The following DSCAM variants were observed in gnomAD, a reference collection of about 807,000 sequenced individuals.
DSCAM encodes DS cell adhesion molecule.
Under a neutral mutation model 217.7 loss-of-function variants are expected in DSCAM, and 47 were observed. The observed-to-expected ratio is 0.22, with a 90% CI of 0.17 to 0.28. The LOEUF (loss-of-function observed/expected upper bound fraction) is 0.28. Among genes scored for constraint, DSCAM ranks in the 10% least tolerant of loss-of-function variants. The probability of loss-of-function intolerance (pLI) is 1.00; values close to 1 mark genes in which losing one functional copy is unlikely to be tolerated. For synonymous variants in DSCAM, 1,056 were observed against 1,015.3 expected, an observed-to-expected ratio of 1.04 and a Z score of -0.76; for missense variants, 2,080 against 2,618.3, an observed-to-expected ratio of 0.79 and a Z score of 4.49.
chr21:40,778,290 G>A (rs1216275060), intron 1 of DSCAM, among the ~76,000 whole-genome samples: 1 of 151,768 alleles, frequency 6.6e-6, no homozygotes, highest in Non-Finnish European at 1.5e-5. Context: ...CTAGTATCTG[G>A]GTTAAAAAAA....
intron 20 of DSCAM, among the ~76,000 whole-genome samples, chr21:40,109,003 G>A (rs1418531046): frequency 1.3e-5 from 2 of 152,178 alleles, no homozygotes; most frequent in African/African-American, 4.8e-5. Flanking sequence ...ATCAACTCAA[G>A]ATGGATTAAA....
At chr21:40,666,679 A>C (rs538744253) in intron 3 of DSCAM, among the ~76,000 whole-genome samples, 98 of 152,366 alleles carry the variant, frequency 6.4e-4, no homozygotes, top group African/African-American at 2.3e-3. Context: ...TTAGGCCCTC[A>C]GCACTCACAC....
At chr21:40,042,731 C>T (rs934122431) in intron 31 of DSCAM, 58 bp from the exon 32 acceptor site, 48 of 1,489,264 alleles carry the variant, frequency 3.2e-5, no homozygotes, top group Admixed American at 1.9e-4. Context: ...TCTGAACCAA[C>T]GGCATGGCCC....
At chr21:40,557,486 C>G (rs2064403458) in intron 3 of DSCAM, among the ~76,000 whole-genome samples, 1 of 152,112 alleles carries the variant, frequency 6.6e-6, no homozygotes, top group Non-Finnish European at 1.5e-5. Context: ...TCCCAAGTAG[C>G]TGGGACTACA....
chr21:40,723,268 G>A (rs2090921512), intron 1 of DSCAM, among the ~76,000 whole-genome samples: 1 of 152,008 alleles, frequency 6.6e-6, no homozygotes, highest in African/African-American at 2.4e-5. Context: ...CAGTGTCCTA[G>A]GTCCCCAATC....
chr21:40,400,557 G>C (rs1469259961), intron 3 of DSCAM, among the ~76,000 whole-genome samples: 1 of 152,122 alleles, frequency 6.6e-6, no homozygotes, highest in African/African-American at 2.4e-5. Context: ...TAGGCTGGAA[G>C]GCAGTGGCAT....
chr21:40,178,706 G>A (rs986745746), intron 15 of DSCAM, among the ~76,000 whole-genome samples: 3 of 152,180 alleles, frequency 2.0e-5, no homozygotes, highest in Admixed American at 2.0e-4. Context: ...TAAGTCTTGG[G>A]TATGGGAAAC....
chr21:40,029,741 G>A (rs1426411702), intron 32 of DSCAM, among the ~76,000 whole-genome samples: 1 of 152,142 alleles, frequency 6.6e-6, no homozygotes, highest in Non-Finnish European at 1.5e-5. Flanking sequence ...TATCTGTCAT[G>A]TTGGCTCTGA....
In DSCAM at chr21:40,188,123, C is replaced by G. The variant is rs941105212; in HGVS notation, c.2554-136G>C. On this transcript the variant is annotated intron_variant, in intron 12 of 32. Transcript: ENST00000400454. ...ATAGGTACACTCACACACACACACACACACTCACAAAACCCCCATTCCTCC... is the reference window on the plus strand; with the variant it reads ...ATAGGTACACTCACACACACACACAGACACTCACAAAACCCCCATTCCTCC... 69 of 623,600 alleles carry G rather than the reference C, an allele frequency of 1.1e-4. No individual in the cohort carries two copies. In the African/African-American group the frequency reaches 1.2e-3, roughly 11 times the overall value. 38.6% of individuals were successfully genotyped at this position (623,600 alleles called of 1,614,324 possible).
chr21:40,470,205 A>G (rs1213218544), intron 3 of DSCAM, among the ~76,000 whole-genome samples: 5 of 152,264 alleles, frequency 3.3e-5, no homozygotes, highest in African/African-American at 1.2e-4. Flanking sequence ...GTGTAACTTA[A>G]TACACAAAGC....
intron 8 of DSCAM, among the ~76,000 whole-genome samples, chr21:40,333,653 T>C (rs2074399679): frequency 6.6e-6 from 1 of 152,226 alleles, no homozygotes; most frequent in African/African-American, 2.4e-5. Flanking sequence ...TATTTTAAAA[T>C]GTAAACTTAA....
At chr21:40,349,954 A>T (rs2074611080) in intron 5 of DSCAM, among the ~76,000 whole-genome samples, 1 of 152,214 alleles carries the variant, frequency 6.6e-6, no homozygotes, top group South Asian at 2.1e-4. Flanking sequence ...AGGCCAGAAG[A>T]CATATAAATA....
intron 29 of DSCAM, among the ~76,000 whole-genome samples, chr21:40,054,440 G>C (rs1238444475): frequency 6.6e-6 from 1 of 152,190 alleles, no homozygotes; most frequent in African/African-American, 2.4e-5. Flanking sequence ...TCCAGTGGTG[G>C]GTGGGGCAGC....
At chr21:40,052,146 A>G (rs1727182328) in intron 29 of DSCAM, 39 bp from the exon 30 acceptor site, 1 of 1,608,834 alleles carries the variant, frequency 6.2e-7, no homozygotes, top group Non-Finnish European at 8.5e-7. Flanking sequence ...AAACACGTTT[A>G]TCTCCCTTCC....
chr21:40,516,324 A>G (rs2076299179), intron 3 of DSCAM, among the ~76,000 whole-genome samples: 1 of 152,206 alleles, frequency 6.6e-6, no homozygotes, highest in Admixed American at 6.5e-5. Context: ...ACAAGTAAGA[A>G]TGTATTTCAT....
In DSCAM at chr21:40,013,149, T is replaced by A; in HGVS notation, c.5924A>T (p.Glu1975Val). 6.2e-7 allele frequency: 1 copy of A among 1,613,522 alleles called. No homozygotes were observed. The highest frequency in any genetic ancestry group is 8.5e-7 in the Non-Finnish European group (1 of 1,179,698). ...PGAVATLPQR[E>V]GAELGQAAKM... ...AGCTGCCTGTCCCAGCTCTGCTCCC[T>A]CCCGCTGAGGTAATGTGGCCACGGC... The change falls in exon 33 of 33, where the codon GAG (glutamate) becomes GTG (valine). Residue 1975 changes from glutamate to valine, a missense_variant. Physicochemically the swap from Glu to Val is moderately radical, Grantham distance 121. Transcript: ENST00000400454.
At chr21:40,655,109 C>T (rs114759446) in intron 3 of DSCAM, among the ~76,000 whole-genome samples, 1,670 of 152,158 alleles carry the variant, frequency 0.011, 33 homozygotes, top group African/African-American at 0.038. Context: ...TTGCAGTGCA[C>T]AGTCCACAGC....
rs571056431 is a variant in DSCAM at position 40,754,945 on chromosome 21, G to A, written c.44-46174C>T. On this transcript the variant is annotated intron_variant, in intron 1 of 32. Coordinates refer to ENST00000400454, the MANE Select transcript of DSCAM (RefSeq NM_001389.5). ...AAGTCTGGATTTATAGGACAATTGA[G>A]AGGGAAGAGAGTTTTCTAAATTCCC... Among the ~76,000 whole-genome samples, 3 of 152,378 alleles carry A rather than the reference G, an allele frequency of 2.0e-5. No homozygotes were observed. In the East Asian group the frequency reaches 5.8e-4, roughly 29 times the overall value.
chr21:40,177,650 G>A (rs1189039699), intron 15 of DSCAM, among the ~76,000 whole-genome samples: 2 of 152,306 alleles, frequency 1.3e-5, no homozygotes, highest in African/African-American at 2.4e-5. Flanking sequence ...CATACCACCA[G>A]GATGTTCATT....
Sources: allele counts gnomAD v4.1 joint callset (sites outside exome capture counted in the v4.1 genomes callset), GRCh38; gene constraint gnomAD v4.1.1; transcripts MANE v1.5; gene names NCBI Gene and HGNC (gene_info 2026-07-23, HGNC 2026-07-21).